The following HMCN2 variants were observed in gnomAD, a reference collection of about 807,000 sequenced individuals.
The protein encoded by HMCN2 is hemicentin-2.
A neutral mutation model predicts 377.5 loss-of-function variants in HMCN2; 325 were observed. The ratio of observed to expected loss-of-function variants is 0.86; its 90% CI spans 0.79 to 0.94. The LOEUF (loss-of-function observed/expected upper bound fraction) is 0.94, where lower values mean the gene tolerates loss of function less well. Ranked by LOEUF, HMCN2 falls within the 40% of genes least tolerant of loss-of-function variation. HMCN2 has a pLI of 0.00. For synonymous variants in HMCN2, 2,007 were observed against 2,046.8 expected, an observed-to-expected ratio of 0.98 and a Z score of 0.53; for missense variants, 4,543 against 4,725.3, an observed-to-expected ratio of 0.96 and a Z score of 1.13.
intron 54 of HMCN2, among the ~76,000 whole-genome samples, chr9:130,381,411 C>T (rs928321771): frequency 2.2e-4 from 33 of 152,026 alleles, no homozygotes; most frequent in Non-Finnish European, 2.4e-4. Context: ...CACTCTGTTG[C>T]CCAGGCTACA....
At position 130,427,588 on chromosome 9, in the gene HMCN2, C is replaced by A. The variant is rs1007208316; in HGVS notation, c.14034C>A (p.Phe4678Leu). ...GRFSCTCPTG[F>L]ALAWDDRNCR... ...TCTCCTGCACCTGCCCCACTGGCTTCGCCCTGGCCTGGGATGACAGGAACT... is the reference window on the plus strand; with the variant it reads ...TCTCCTGCACCTGCCCCACTGGCTTAGCCCTGGCCTGGGATGACAGGAACT... The change falls in exon 92 of 98, where the codon TTC (phenylalanine) becomes TTA (leucine). Residue 4678 changes from phenylalanine to leucine, a missense_variant. Coordinates refer to ENST00000683500, the MANE Select transcript of HMCN2 (RefSeq NM_001291815.2). The A allele has an allele frequency of 2.5e-5, 39 of 1,550,348 alleles. No homozygotes were observed. In the African/African-American group the frequency reaches 5.2e-4, roughly 21 times the overall value.
At chr9:130,337,391 T>C (rs926778801) in intron 22 of HMCN2, among the ~76,000 whole-genome samples, 1 of 152,086 alleles carries the variant, frequency 6.6e-6, no homozygotes, top group African/African-American at 2.4e-5. Context: ...CCAGAGGGCC[T>C]CAGGGCTGCC....
chr9:130,410,457 GGTTC>G lies in HMCN2; in HGVS notation c.12880-113_12880-110del, dbSNP rs1843349561. 4.7e-6 allele frequency: 4 copies of G among 857,892 alleles called. No homozygotes were observed. In the Admixed American group the frequency reaches 8.5e-5, roughly 18 times the overall value. The allele number at this position is 857,892 out of a possible 1,614,324, so 53.1% of individuals were successfully genotyped here. A position where few individuals can be genotyped will look rare whatever the true frequency, so the allele number is the denominator to read the frequency against. ...TGCGGGGGATCAGGTGCCCCTGGCT[GGTTC>G]ACAGCCTAAGCCCCTTGCTGGCTGG... On this transcript the variant is annotated intron_variant, in intron 84 of 97. Transcript: ENST00000683500.
rs985452608 is a variant in HMCN2, at chr9:130,362,983, A to G, written c.6225A>G (p.Gln2075=). ...VGEDRQDVVL[Q]VHMPPSILGE... is the part of the protein sequence containing the mutation. ...AGGACCGCCAGGATGTTGTCCTGCA[A>G]GTCCACAGTGAGTCTCAGACTGGGA... is the stretch of plus-strand genomic sequence containing the variant. Residue 2075 remains glutamine, a synonymous_variant, in exon 40 of 98, where the codon CAA becomes CAG. Coordinates refer to ENST00000683500, the MANE Select transcript of HMCN2 (RefSeq NM_001291815.2). 2 of 985,826 alleles carry G rather than the reference A, an allele frequency of 2.0e-6. No individual in the cohort carries two copies. Among genetic ancestry groups the G allele is most frequent in the East Asian group, 1.1e-4 (1 of 8,826 alleles). 61.1% of individuals were successfully genotyped at this position (985,826 alleles called of 1,614,324 possible).
At position 130,266,121 on chromosome 9, in the gene HMCN2, G is replaced by A. The variant is rs1834079821; in HGVS notation, c.243G>A (p.Val81=). The change falls in exon 1 of 98, where the codon GTG becomes GTA. Residue 81 remains valine, a synonymous_variant. Coordinates refer to ENST00000683500, the MANE Select transcript of HMCN2 (RefSeq NM_001291815.2). ...RSQAIANYAL[V]PFHDPDIGPV... is the part of the protein sequence containing the mutation. Reference sequence around the variant, plus strand: ...AGGCCATCGCCAACTACGCGCTGGTGCCCTTCCACGACCCAGGTAGCGCCC... The same window carrying A: ...AGGCCATCGCCAACTACGCGCTGGTACCCTTCCACGACCCAGGTAGCGCCC... The A allele has an allele frequency of 4.3e-6, 2 of 467,578 alleles. No homozygotes were observed. Among genetic ancestry groups the A allele is most frequent in the Non-Finnish European group, 8.8e-6 (2 of 226,908 alleles). 29.0% of individuals were successfully genotyped at this position (467,578 alleles called of 1,614,324 possible). A position where few individuals can be genotyped will look rare whatever the true frequency, so the allele number is the denominator to read the frequency against.
chr9:130,430,525 T>G lies in HMCN2; in HGVS notation c.14568T>G (p.Arg4856=), dbSNP rs1844678445. The G allele has an allele frequency of 1.9e-6, 3 of 1,550,458 alleles. No individual in the cohort carries two copies. Among genetic ancestry groups the G allele is most frequent in the Non-Finnish European group, 2.6e-6 (3 of 1,146,970 alleles). Residue 4856 remains arginine, a synonymous_variant, in exon 95 of 98, where the codon CGT becomes CGG. Coordinates refer to ENST00000683500, the MANE Select transcript of HMCN2 (RefSeq NM_001291815.2). ...CCTACCACGCCTGGGTCTCTCTCCG[T>G]CCGGGTCCCATGGCCCTGAGCAGTG... is the stretch of plus-strand genomic sequence containing the variant. ...GTSYHAWVSL[R]PGPMALSSVG...
rs1836740565 is a variant in HMCN2 at position 130,304,717 on chromosome 9, C to T, written c.1544-13C>T. 2.2e-6 allele frequency: 1 copy of T among 457,734 alleles called. No individual in the cohort carries two copies. Among genetic ancestry groups the T allele is most frequent in the Non-Finnish European group, 4.6e-6 (1 of 218,214 alleles). The allele number at this position is 457,734 out of a possible 1,614,324, so 28.4% of individuals were successfully genotyped here. On this transcript the variant is annotated splice_polypyrimidine_tract_variant and intron_variant, in intron 10 of 97. Coordinates refer to ENST00000683500, the MANE Select transcript of HMCN2 (RefSeq NM_001291815.2). The surrounding 1 kb of genome is among the most constrained non-coding windows in gnomAD (Gnocchi z 4.3). ...TCAGCTCCTTGGTTCCTCCTGTGCT[C>T]ATGTCCCTGCAGACCCCCCGCCGCA... is the stretch of plus-strand genomic sequence containing the variant.
rs532663288 is a variant in HMCN2, at chr9:130,364,868, C to T, written c.6387C>T (p.Ser2129=). 1.3e-4 allele frequency: 130 copies of T among 985,980 alleles called. No homozygotes were observed. The African/African-American group carries it at 2.0e-3, about 15-fold the overall frequency. The allele number at this position is 985,980 out of a possible 1,614,324, so 61.1% of individuals were successfully genotyped here. A position where few individuals can be genotyped will look rare whatever the true frequency, so the allele number is the denominator to read the frequency against. ...PLEPRPGVHL[S]ADKALLQVDR... ...AACCACGGCCTGGAGTCCACCTCTC[C>T]GCAGACAAAGCCTTGCTGCAGGTGT... The change falls in exon 41 of 98, where the codon TCC becomes TCT. Residue 2129 remains serine, a synonymous_variant. Transcript: ENST00000683500.
chr9:130,380,552 T>C lies in HMCN2; in HGVS notation c.8431+1085T>C, dbSNP rs1841654314. On this transcript the variant is annotated intron_variant, in intron 54 of 97. Transcript: ENST00000683500. ...CTGTAATCCCAGCACTTTGGGAGGC[T>C]GAGGTGGGAGGATCGCTTGAGCCCA... Among the ~76,000 whole-genome samples, 3 of 152,042 alleles carry C rather than the reference T, an allele frequency of 2.0e-5. No homozygotes were observed. In the South Asian group the frequency reaches 6.2e-4, roughly 32 times the overall value.
intron 15 of HMCN2, among the ~76,000 whole-genome samples, chr9:130,318,156 G>T (rs1372360384): frequency 1.3e-5 from 2 of 152,154 alleles, no homozygotes; most frequent in East Asian, 3.9e-4. Flanking sequence ...TCTGAGGTTG[G>T]GTCCAAGACA....
chr9:130,390,970 C>T lies in HMCN2; in HGVS notation c.9524-7C>T. 2 of 986,752 alleles carry T rather than the reference C, an allele frequency of 2.0e-6. No homozygotes were observed. Among genetic ancestry groups the T allele is most frequent in the Non-Finnish European group, 2.4e-6 (2 of 830,102 alleles). 61.1% of individuals were successfully genotyped at this position (986,752 alleles called of 1,614,324 possible). A position where few individuals can be genotyped will look rare whatever the true frequency, so the allele number is the denominator to read the frequency against. On this transcript the variant is annotated splice_region_variant and splice_polypyrimidine_tract_variant and intron_variant, in intron 62 of 97. Coordinates refer to ENST00000683500, the MANE Select transcript of HMCN2 (RefSeq NM_001291815.2). ...TGGGGGATTCAGGGGACCCCTCTGT[C>T]CCACAGAGAGCAGCGCGGTGCACGG...
chr9:130,431,470 CG>C lies in HMCN2; in HGVS notation c.14754del (p.Lys4919ArgfsTer173). On this transcript the variant is annotated frameshift_variant, in exon 96 of 98. Transcript: ENST00000683500. LOFTEE classifies it high-confidence loss of function. Reference protein sequence around the residue: ...CPAGYRLLPSGKNCQDINECE... With the variant: ...CPAGYRLLPSXKNCQDINECE... Reference sequence around the variant, plus strand: ...CCGCCGGCTACCGTCTGCTCCCCAGCGGGAAGAACTGCCAGGGTGAGCCGGG... The same window carrying C: ...CCGCCGGCTACCGTCTGCTCCCCAGCGGAAGAACTGCCAGGGTGAGCCGGG... 6.5e-7 allele frequency: 1 copy of C among 1,549,582 alleles called. No homozygotes were observed. Among genetic ancestry groups the C allele is most frequent in the South Asian group, 1.2e-5 (1 of 84,042 alleles).
rs1364036211 is a variant in HMCN2, at chr9:130,397,994, A to G, written c.11326+339A>G. Reference sequence around the variant, plus strand: ...GAGACCCCATCTCTACAAAAAAAAAAATGTTTAAATTAGCCAAGCATGGTG... The same window carrying G: ...GAGACCCCATCTCTACAAAAAAAAAGATGTTTAAATTAGCCAAGCATGGTG... On this transcript the variant is annotated intron_variant, in intron 74 of 97. Transcript: ENST00000683500. Among the ~76,000 whole-genome samples the G allele has an allele frequency of 4.0e-5, 6 of 151,660 alleles. No homozygotes were observed. The East Asian group carries it at 1.2e-3, about 29-fold the overall frequency.
intron 19 of HMCN2, among the ~76,000 whole-genome samples, chr9:130,322,144 T>C (rs1307440739): frequency 6.6e-6 from 1 of 152,190 alleles, no homozygotes; most frequent in Non-Finnish European, 1.5e-5. Flanking sequence ...CATTTTGGCA[T>C]GTATCTTTTC....
rs998830872 is a variant in HMCN2, at chr9:130,359,045, G to A, written c.5678-274G>A. Among the ~76,000 whole-genome samples the A allele has an allele frequency of 5.9e-5, 9 of 152,252 alleles. No individual in the cohort carries two copies. The South Asian group carries it at 1.0e-3, about 18-fold the overall frequency. ...GGGGTTTATTTGCAGGGAAATCCTC[G>A]TCCTTGTCCCTTCCCCTGGCTGTGC... On this transcript the variant is annotated intron_variant, in intron 36 of 97. Coordinates refer to ENST00000683500, the MANE Select transcript of HMCN2 (RefSeq NM_001291815.2).
chr9:130,410,801 G>A (rs1431783529), intron 85 of HMCN2, 149 bp downstream of exon 85: 2 of 743,286 alleles, frequency 2.7e-6, no homozygotes, highest in East Asian at 2.7e-5. Flanking sequence ...CCTACCAAAT[G>A]TTTCCCAAAT....
Position 130,396,197 on chromosome 9 carries a change from T to C in HMCN2, c.11082T>C (p.Pro3694=). The C allele has an allele frequency of 7.8e-7, 1 of 1,279,832 alleles. No homozygotes were observed. Among genetic ancestry groups the C allele is most frequent in the East Asian group, 5.7e-5 (1 of 17,582 alleles). The allele number at this position is 1,279,832 out of a possible 1,614,324, so 79.3% of individuals were successfully genotyped here. The change falls in exon 73 of 98, where the codon CCT becomes CCC. Residue 3694 remains proline, a synonymous_variant. Coordinates refer to ENST00000683500, the MANE Select transcript of HMCN2 (RefSeq NM_001291815.2). The part of the protein sequence containing the change: ...HTVPTIRSGP[P]AVNVSVNQTA... ...TGCCCACCATCCGGTCAGGACCACC[T>C]GCAGTGAACGTCTCAGTGAACCAGA...
chr9:130,395,433 G>A (rs752958655), intron 71 of HMCN2, 86 bp downstream of exon 71: 12 of 1,145,958 alleles, frequency 1.0e-5, no homozygotes, highest in African/African-American at 8.1e-5. Context: ...GATCCAGAGC[G>A]GGTGCCAAGG....
At chr9:130,296,509 G>A (rs952145573) in intron 6 of HMCN2, among the ~76,000 whole-genome samples, 165 bp from the exon 7 acceptor site, 1 of 152,170 alleles carries the variant, frequency 6.6e-6, no homozygotes, top group East Asian at 1.9e-4. Context: ...CATTTGGGGA[G>A]CATCGTGCTG....
Sources: allele counts gnomAD v4.1 joint callset (sites outside exome capture counted in the v4.1 genomes callset), GRCh38; gene constraint gnomAD v4.1.1; non-coding constraint Gnocchi (gnomAD v3.1); transcripts MANE v1.5; gene names NCBI Gene and HGNC (gene_info 2026-07-23, HGNC 2026-07-21).